The following RBFOX1 variants were observed in gnomAD, a reference collection of about 807,000 sequenced individuals.
The protein encoded by RBFOX1 is RNA binding fox-1 homolog 1, also known as RNA binding protein fox-1 homolog 1.
In RBFOX1, 8 loss-of-function variants were observed where a neutral mutation model predicts 57.7. The observed-to-expected ratio is 0.14, with a 90% CI of 0.08 to 0.25. The LOEUF (loss-of-function observed/expected upper bound fraction) is 0.25, where lower values mean the gene tolerates loss of function less well. Ranked by LOEUF, RBFOX1 falls within the 10% of genes least tolerant of loss-of-function variation. The probability of loss-of-function intolerance (pLI) is 1.00; values close to 1 mark genes in which losing one functional copy is unlikely to be tolerated. For synonymous variants in RBFOX1, 326 were observed against 222.4 expected, an observed-to-expected ratio of 1.47 and a Z score of -4.15; for missense variants, 611 against 548.5, an observed-to-expected ratio of 1.11 and a Z score of -1.14.
chr16:7,181,591 C>G (rs1399157726), intron 4 of RBFOX1, among the ~76,000 whole-genome samples: 1 of 151,830 alleles, frequency 6.6e-6, no homozygotes, highest in Non-Finnish European at 1.5e-5. Flanking sequence ...CGCTTGCTTG[C>G]TTGCTCTGTT....
intron 4 of RBFOX1, among the ~76,000 whole-genome samples, chr16:7,149,139 C>G (rs1683465969): frequency 6.6e-6 from 1 of 152,110 alleles, no homozygotes; most frequent in Admixed American, 6.6e-5. Context: ...AGAGAGAAAC[C>G]AAGTATTGGA....
At chr16:7,581,569 A>G (rs1036945520) in intron 6 of RBFOX1, among the ~76,000 whole-genome samples, 2 of 152,168 alleles carry the variant, frequency 1.3e-5, no homozygotes, top group African/African-American at 4.8e-5. Context: ...ATGCTAAGTC[A>G]TAGAGGTATT....
At position 6,521,451 on chromosome 16, in the gene RBFOX1, G is replaced by A. The variant is rs191099170; in HGVS notation, c.-63-133152G>A. 1.5e-3 allele frequency among the ~76,000 whole-genome samples: 81 copies of A among 55,558 alleles called. No homozygotes were observed. In the Middle Eastern group the frequency reaches 0.078, roughly 54 times the overall value. The allele number at this position is 55,558 out of a possible 152,430, so 36.4% of individuals were successfully genotyped here. On this transcript the variant is annotated intron_variant, in intron 2 of 15. Transcript: ENST00000550418. ...CTTCCCTTCCCTCCCCTCCCCTCCC[G>A]TCCCCTCTCCTCTCCTCTCTTCTCT...
chr16:6,181,630 G>T (rs573170527), intron 1 of RBFOX1, among the ~76,000 whole-genome samples: 23 of 152,136 alleles, frequency 1.5e-4, no homozygotes, highest in South Asian at 6.2e-4. Context: ...CCTGTGGTGG[G>T]GGGGAGGAGG....
chr16:6,827,273 G>C (rs2092273131), intron 3 of RBFOX1, among the ~76,000 whole-genome samples: 1 of 151,888 alleles, frequency 6.6e-6, no homozygotes, highest in South Asian at 2.1e-4. Context: ...GATCTGCAAA[G>C]GGTTGAAAGT....
intron 3 of RBFOX1, among the ~76,000 whole-genome samples, chr16:5,809,047 A>T (rs2055329918): frequency 6.6e-6 from 1 of 152,212 alleles, no homozygotes; most frequent in Non-Finnish European, 1.5e-5. Context: ...GTCTTTGACA[A>T]ACCTGAGAAA....
chr16:6,462,939 A>G (rs574093572), intron 2 of RBFOX1, among the ~76,000 whole-genome samples: 27 of 152,302 alleles, frequency 1.8e-4, no homozygotes, highest in South Asian at 1.7e-3. Flanking sequence ...TTGTTAATCT[A>G]TTAATTCTTC....
intron 3 of RBFOX1, among the ~76,000 whole-genome samples, chr16:7,034,316 A>G (rs191890073): frequency 4.6e-5 from 7 of 152,282 alleles, no homozygotes; most frequent in East Asian, 3.9e-4. Context: ...TCACTGTAGG[A>G]TGAAGGCAGA....
intron 3 of RBFOX1, among the ~76,000 whole-genome samples, chr16:5,778,297 A>G (rs2054211088): frequency 6.6e-6 from 1 of 152,106 alleles, no homozygotes; most frequent in African/African-American, 2.4e-5. Context: ...CAGAGTTCTA[A>G]GTGTGAGTTT....
chr16:5,603,911 C>T (rs1389844134), downstream of RBFOX1, among the ~76,000 whole-genome samples: 1 of 152,138 alleles, frequency 6.6e-6, no homozygotes, highest in Non-Finnish European at 1.5e-5. Flanking sequence ...TTCTCTCTTT[C>T]TTGATATAGT....
At chr16:6,882,898 T>C (rs184598622) in intron 3 of RBFOX1, among the ~76,000 whole-genome samples, 1 of 152,316 alleles carries the variant, frequency 6.6e-6, no homozygotes, top group Admixed American at 6.5e-5. Flanking sequence ...TTTTCCATTA[T>C]ACTTACCAGG....
chr16:6,916,216 G>A (rs571046038), intron 3 of RBFOX1, among the ~76,000 whole-genome samples: 50 of 152,246 alleles, frequency 3.3e-4, no homozygotes, highest in African/African-American at 1.1e-3. Context: ...AGGCATTCAC[G>A]GAGCTGGGAC....
chr16:5,973,466 A>G (rs952891509), intron 4 of RBFOX1, among the ~76,000 whole-genome samples: 6 of 152,196 alleles, frequency 3.9e-5, no homozygotes, highest in Non-Finnish European at 8.8e-5. Context: ...CCTTAGCAGT[A>G]AAATGGGGAT....
chr16:5,609,389 G>C (rs1003674813), intron 3 of RBFOX1, among the ~76,000 whole-genome samples: 2 of 152,170 alleles, frequency 1.3e-5, no homozygotes, highest in East Asian at 1.9e-4. Context: ...GACAGGAGTG[G>C]AATGTGAATG....
At chr16:5,757,988 C>T (rs2053459817) in intron 3 of RBFOX1, among the ~76,000 whole-genome samples, 1 of 152,238 alleles carries the variant, frequency 6.6e-6, no homozygotes, top group South Asian at 2.1e-4. Context: ...GCCATCACCT[C>T]TGCCTGTGGC....
intron 1 of RBFOX1, among the ~76,000 whole-genome samples, chr16:5,418,777 A>G (rs60931842): frequency 0.09 from 13,602 of 151,868 alleles, 660 homozygotes; most frequent in East Asian, 0.14. Flanking sequence ...TTCCTTCTGC[A>G]CGATTTATGG....
At chr16:5,278,483 A>C (rs2063194910) in intron 1 of RBFOX1, among the ~76,000 whole-genome samples, 2 of 152,096 alleles carry the variant, frequency 1.3e-5, no homozygotes, top group Non-Finnish European at 2.9e-5. Flanking sequence ...GCGTTTTTAT[A>C]GTTATGGGTT....
At chr16:5,758,190 C>T (rs533172710) in intron 3 of RBFOX1, among the ~76,000 whole-genome samples, 53 of 152,318 alleles carry the variant, frequency 3.5e-4, no homozygotes, top group African/African-American at 1.2e-3. Context: ...CATCCATTGG[C>T]TTTTTAACAA....
intron 3 of RBFOX1, among the ~76,000 whole-genome samples, chr16:6,982,706 G>A (rs73532917): frequency 0.014 from 2,055 of 152,208 alleles, 42 homozygotes; most frequent in African/African-American, 0.047. Flanking sequence ...GAAAGATGTG[G>A]AACTGGCCAG....
Sources: allele counts gnomAD v4.1 joint callset (sites outside exome capture counted in the v4.1 genomes callset), GRCh38; gene constraint gnomAD v4.1.1; transcripts MANE v1.5; gene names NCBI Gene and HGNC (gene_info 2026-07-23, HGNC 2026-07-21).